DCX: variants seen among roughly 807,000 people sequenced by gnomAD.
DCX encodes doublecortin.
A neutral mutation model predicts 20.9 loss-of-function variants in DCX; 4 were observed. The observed-to-expected ratio is 0.19, with a 90% CI of 0.09 to 0.44. DCX has a LOEUF of 0.44. DCX is among the 20% of genes least tolerant of loss of function. The pLI is 0.99. For missense variants in DCX, 133 were observed against 296.9 expected, an observed-to-expected ratio of 0.45 and a Z score of 4.06; for synonymous variants, 103 against 111.4, an observed-to-expected ratio of 0.92 and a Z score of 0.47.
chrX:111,332,515 G>A (rs1921341392), intron 4 of DCX, among the ~76,000 whole-genome samples: 1 of 111,707 alleles, frequency 9.0e-6, no homozygotes, highest in African/African-American at 3.3e-5. Context: ...AACCAAGGGA[G>A]ATGGGAAGAC....
intron 6 of DCX, among the ~76,000 whole-genome samples, chrX:111,305,131 T>C (rs1219999606): frequency 1.8e-5 from 2 of 111,638 alleles, no homozygotes. Flanking sequence ...CATTCCCTGA[T>C]AGAAACACAG....
chrX:111,343,039 T>G (rs1922427957), intron 3 of DCX, among the ~76,000 whole-genome samples: 1 of 108,347 alleles, frequency 9.2e-6, no homozygotes, highest in Admixed American at 9.9e-5. Flanking sequence ...ATCCAAAAGC[T>G]AGCAGAAGAC....
At chrX:111,354,138 A>G (rs1302766078) in intron 3 of DCX, among the ~76,000 whole-genome samples, 1 of 112,017 alleles carries the variant, frequency 8.9e-6, no homozygotes, top group African/African-American at 3.2e-5. Flanking sequence ...TAGAATGTTC[A>G]GTTATGGTTC....
In DCX at chrX:111,411,376, C is replaced by A. The variant is rs774834506; in HGVS notation, c.-23+762G>T. ...AGAAGGAAGCACACCTTTCATTGTT[C>A]TGGGTTTCTACCTTAATTGAAGTGA... On this transcript the variant is annotated intron_variant, in intron 1 of 6. Transcript: ENST00000636035. 2.7e-5 allele frequency among the ~76,000 whole-genome samples: 3 copies of A among 109,388 alleles called. No individual in the cohort carries two copies. In the South Asian group the frequency reaches 1.3e-3, roughly 46 times the overall value. 95.0% of individuals were successfully genotyped at this position (109,388 alleles called of 115,157 possible).
At chrX:111,303,151 G>C (rs2095037704) in intron 6 of DCX, among the ~76,000 whole-genome samples, 2 of 106,682 alleles carry the variant, frequency 1.9e-5, no homozygotes, top group African/African-American at 6.9e-5. Flanking sequence ...GCAGTGGTGT[G>C]ATCTCCACTC....
intron 3 of DCX, among the ~76,000 whole-genome samples, chrX:111,359,879 G>A (rs931652208): frequency 8.9e-6 from 1 of 111,778 alleles, no homozygotes; most frequent in Admixed American, 9.5e-5. Flanking sequence ...ATGAAAAACA[G>A]CACTCTTAAA....
Position 111,410,635 on chromosome X carries a change from C to A in DCX, c.-22-215G>T, listed in dbSNP as rs770566056. 4 of 805,453 alleles carry A rather than the reference C, an allele frequency of 5.0e-6. No homozygotes were observed. In the East Asian group the frequency reaches 1.3e-4, roughly 26 times the overall value. 66.4% of individuals were successfully genotyped at this position (805,453 alleles called of 1,213,427 possible). A position where few individuals can be genotyped will look rare whatever the true frequency, so the allele number is the denominator to read the frequency against. On this transcript the variant is annotated intron_variant, in intron 1 of 6. Coordinates refer to ENST00000636035, the MANE Select transcript of DCX (RefSeq NM_001195553.2). ...TAATAGAGAAGAAGGAGGGGCTGGG[C>A]GGGGGTGCTGGTGGTTGTGGGGGTT...
intron 2 of DCX, 93 bp downstream of exon 2, chrX:111,409,942 A>G: frequency 8.8e-7 from 1 of 1,138,016 alleles, no homozygotes; most frequent in Non-Finnish European, 1.2e-6. Flanking sequence ...TGAAAAATAC[A>G]TTGCCTAATT....
intron 5 of DCX, among the ~76,000 whole-genome samples, chrX:111,325,911 G>C (rs992852726): frequency 2.7e-5 from 3 of 111,660 alleles, no homozygotes; most frequent in African/African-American, 9.8e-5. Context: ...CTATTGAGCA[G>C]AGCTGGTCTA....
chrX:111,355,196 T>A (rs2143057), intron 3 of DCX, among the ~76,000 whole-genome samples: 12,988 of 111,739 alleles, frequency 0.12, 1,839 homozygotes, highest in African/African-American at 0.4. Context: ...GATTTTTTTT[T>A]AAATTGAACC....
At chrX:111,380,505 A>G (rs1925883981) in intron 3 of DCX, among the ~76,000 whole-genome samples, 3 of 111,553 alleles carry the variant, frequency 2.7e-5, no homozygotes, top group Non-Finnish European at 5.7e-5. Context: ...TGAACTCTCA[A>G]TTTTATTCCA....
intron 3 of DCX, among the ~76,000 whole-genome samples, chrX:111,391,716 C>T: frequency 9.0e-6 from 1 of 111,323 alleles, no homozygotes; most frequent in East Asian, 2.8e-4. Flanking sequence ...TACCAAGTGT[C>T]CCCTGGACAG....
intron 3 of DCX, among the ~76,000 whole-genome samples, chrX:111,361,782 G>T (rs1219607723): frequency 2.7e-5 from 3 of 112,165 alleles, no homozygotes; most frequent in Admixed American, 9.5e-5. Flanking sequence ...TATCATAGCA[G>T]ACTTGTTCTT....
intron 3 of DCX, among the ~76,000 whole-genome samples, chrX:111,393,580 A>C (rs1379467802): frequency 1.8e-5 from 2 of 112,010 alleles, no homozygotes; most frequent in African/African-American, 6.5e-5. Context: ...TGCAAATCAC[A>C]TATGTGACAA....
intron 5 of DCX, among the ~76,000 whole-genome samples, chrX:111,316,479 C>T (rs925129619): frequency 2.7e-5 from 3 of 111,324 alleles, no homozygotes; most frequent in African/African-American, 9.8e-5. Context: ...ATCCTCCTGC[C>T]TCAGCCTCCC....
intron 3 of DCX, among the ~76,000 whole-genome samples, chrX:111,359,140 C>T (rs1020094348): frequency 1.1e-4 from 12 of 110,244 alleles, no homozygotes; most frequent in Non-Finnish European, 1.5e-4. Context: ...CAAGTGAAGA[C>T]GTAACAGTAA....
At chrX:111,351,790 CAT>C (rs1302367117) in intron 3 of DCX, among the ~76,000 whole-genome samples, 2 of 112,436 alleles carry the variant, frequency 1.8e-5, no homozygotes, top group African/African-American at 3.2e-5. Context: ...CTGGTGCGAT[CAT>C]ATCTCACTGC....
chrX:111,325,664 A>G (rs1454248154), intron 5 of DCX, among the ~76,000 whole-genome samples: 1 of 112,178 alleles, frequency 8.9e-6, no homozygotes, highest in East Asian at 2.8e-4. Flanking sequence ...TGGCTGTTGA[A>G]CATTTGAAGT....
At position 111,330,236 on chromosome X, in the gene DCX, T is replaced by G. The variant is rs1207049125; in HGVS notation, c.946+668A>C. On this transcript the variant is annotated intron_variant, in intron 5 of 6. Coordinates refer to ENST00000636035, the MANE Select transcript of DCX (RefSeq NM_001195553.2). The stretch of plus-strand genomic sequence containing the variant: ...TACATTTGGCACAAGCTCCTAATCT[T>G]GCCACAGACTGACTGGTAATAAATA... Among the ~76,000 whole-genome samples the G allele has an allele frequency of 6.2e-5, 7 of 112,312 alleles. No homozygotes were observed. In the East Asian group the frequency reaches 1.7e-3, roughly 27 times the overall value.
Sources: allele counts gnomAD v4.1 joint callset (sites outside exome capture counted in the v4.1 genomes callset), GRCh38; gene constraint gnomAD v4.1.1; transcripts MANE v1.5; gene names NCBI Gene and HGNC (gene_info 2026-07-23, HGNC 2026-07-21).